Variants in ADGRL3 observed in about 807,000 individuals in gnomAD.
ADGRL3 encodes calcium-independent alpha-latrotoxin receptor 3.
ADGRL3 carries 62 observed loss-of-function variants against 153.5 expected under a neutral mutation model. The ratio of observed to expected loss-of-function variants is 0.40; its 90% CI spans 0.33 to 0.50. The LOEUF (loss-of-function observed/expected upper bound fraction) is 0.50, where lower values mean the gene tolerates loss of function less well. Among genes scored for constraint, ADGRL3 ranks in the 20% least tolerant of loss-of-function variants. ADGRL3 has a pLI of 0.47. For synonymous variants in ADGRL3, 710 were observed against 672.5 expected (o/e 1.06, Z -0.86); for missense variants, 1,641 against 1,859.4 (o/e 0.88, Z 2.16).
At chr4:61,845,640 A>G (rs1393884134) in intron 9 of ADGRL3, among the ~76,000 whole-genome samples, 1 of 150,826 alleles carries the variant, frequency 6.6e-6, no homozygotes, top group Admixed American at 6.6e-5. Context: ...TGCTGAGATT[A>G]TAGGTGTAAG....
intron 1 of ADGRL3, among the ~76,000 whole-genome samples, chr4:61,263,875 G>C (rs1267554477): frequency 2.0e-5 from 3 of 151,396 alleles, no homozygotes; most frequent in African/African-American, 7.3e-5. Flanking sequence ...AATAGGCTAT[G>C]TTTATTTATC....
intron 21 of ADGRL3, among the ~76,000 whole-genome samples, chr4:62,000,027 T>G (rs2151085087): frequency 6.6e-6 from 1 of 152,156 alleles, no homozygotes; most frequent in Middle Eastern, 3.6e-3. Context: ...TTTGCATAAA[T>G]TAAATAGGCA....
chr4:62,037,271 C>A (rs530512027), intron 23 of ADGRL3, among the ~76,000 whole-genome samples: 2 of 152,060 alleles, frequency 1.3e-5, no homozygotes, highest in Admixed American at 6.6e-5. Context: ...CTCTCTCTCT[C>A]TTTCTCTCTC....
At chr4:61,620,578 A>C (rs2092428293) in intron 5 of ADGRL3, among the ~76,000 whole-genome samples, 1 of 151,718 alleles carries the variant, frequency 6.6e-6, no homozygotes, top group African/African-American at 2.4e-5. Flanking sequence ...GAAGTAGACA[A>C]ACAATTTAGC....
In ADGRL3 at chr4:62,071,043, G is replaced by GA; in HGVS notation, c.*136dup. The GA allele has an allele frequency of 1.3e-6, 1 of 785,542 alleles. No individual in the cohort carries two copies. 48.7% of individuals were successfully genotyped at this position (785,542 alleles called of 1,614,324 possible). ...CTCTAAAGACAAACACAAACTCTCA[G>GA]ACTTTTTTTTTTTTAATGGGATTTT... On this transcript the variant is annotated 3_prime_UTR_variant, in exon 27 of 27. Transcript: ENST00000683033.
intron 23 of ADGRL3, among the ~76,000 whole-genome samples, chr4:62,033,104 G>C (rs1208673169): frequency 6.6e-6 from 1 of 151,720 alleles, no homozygotes; most frequent in Non-Finnish European, 1.5e-5. Flanking sequence ...CAATGGATGG[G>C]GTTGCCCCAT....
rs536970783 is a variant in ADGRL3, at chr4:61,565,574, G to T, written c.260-21653G>T. On this transcript the variant is annotated intron_variant, in intron 4 of 26. Coordinates refer to ENST00000683033, the MANE Select transcript of ADGRL3 (RefSeq NM_001387552.1). Reference sequence around the variant, plus strand: ...TTTTTTGAGATGAAGTCTCACTCTTGTCGCCCAGACTGAAGTGCAGTGGCA... The same window carrying T: ...TTTTTTGAGATGAAGTCTCACTCTTTTCGCCCAGACTGAAGTGCAGTGGCA... Among the ~76,000 whole-genome samples, 6 of 150,216 alleles carry T rather than the reference G, an allele frequency of 4.0e-5. No homozygotes were observed. In the South Asian group the frequency reaches 1.3e-3, roughly 32 times the overall value.
At chr4:61,443,928 A>G (rs915589400) in intron 2 of ADGRL3, among the ~76,000 whole-genome samples, 3 of 152,196 alleles carry the variant, frequency 2.0e-5, no homozygotes, top group Admixed American at 6.5e-5. Flanking sequence ...TTTTAAATAC[A>G]TTGCAAATAT....
intron 6 of ADGRL3, among the ~76,000 whole-genome samples, chr4:61,708,780 G>T (rs1248082308): frequency 1.3e-5 from 2 of 151,848 alleles, no homozygotes; most frequent in Admixed American, 6.6e-5. Context: ...TTCCATTCTT[G>T]CCAGTTCTTA....
rs148289709 is a variant in ADGRL3 at position 61,678,859 on chromosome 4, T to C, written c.583+1924T>C. Among the ~76,000 whole-genome samples, 712 of 152,170 alleles carry C rather than the reference T, an allele frequency of 4.7e-3. 6 individuals are homozygous for C. The highest frequency in any genetic ancestry group is 7.0e-3 in the Admixed American group (107 of 15,236). ...TAAAAGTATAATGCAGAATTGGAATTCATTTAATAAATTTAACACGATTTG... is the reference window on the plus strand; with the variant it reads ...TAAAAGTATAATGCAGAATTGGAATCCATTTAATAAATTTAACACGATTTG... On this transcript the variant is annotated intron_variant, in intron 6 of 26. Transcript: ENST00000683033.
intron 4 of ADGRL3, among the ~76,000 whole-genome samples, chr4:61,547,352 C>G (rs1197056161): frequency 6.6e-6 from 1 of 151,542 alleles, no homozygotes; most frequent in Non-Finnish European, 1.5e-5. Context: ...ATTTGGTACA[C>G]AGATTATTTT....
At chr4:61,331,009 C>T (rs2095561667) in intron 1 of ADGRL3, among the ~76,000 whole-genome samples, 1 of 152,162 alleles carries the variant, frequency 6.6e-6, no homozygotes, top group East Asian at 1.9e-4. Flanking sequence ...CCCTGGGGAA[C>T]CCTGACTAAT....
chr4:61,725,398 C>T (rs1202118392), intron 6 of ADGRL3, among the ~76,000 whole-genome samples: 2 of 151,980 alleles, frequency 1.3e-5, no homozygotes, highest in Non-Finnish European at 2.9e-5. Context: ...AAATCACATC[C>T]TGGCTTACAC....
intron 9 of ADGRL3, among the ~76,000 whole-genome samples, chr4:61,876,283 A>G (rs11726186): frequency 0.78 from 117,328 of 150,256 alleles, 46,047 homozygotes; most frequent in East Asian, 0.83. Flanking sequence ...ATTTTATCCA[A>G]TTTTGTTTTT....
At chr4:61,461,622 A>T (rs2097820462) in intron 2 of ADGRL3, among the ~76,000 whole-genome samples, 2 of 152,212 alleles carry the variant, frequency 1.3e-5, no homozygotes. Flanking sequence ...TACTAACAAA[A>T]TGTATAAATT....
chr4:61,367,602 G>A (rs1259127624), intron 1 of ADGRL3, among the ~76,000 whole-genome samples: 4 of 149,180 alleles, frequency 2.7e-5, no homozygotes, highest in Non-Finnish European at 4.4e-5. Flanking sequence ...ATTCCATGGT[G>A]TATATGTGCC....
In ADGRL3 at chr4:61,996,306, T is replaced by C; in HGVS notation, c.3252T>C (p.Leu1084=). The C allele has an allele frequency of 6.2e-7, 1 of 1,613,116 alleles. No homozygotes were observed. Among genetic ancestry groups the C allele is most frequent in the Non-Finnish European group, 8.5e-7 (1 of 1,179,194 alleles). The change falls in exon 20 of 27, where the codon CTT becomes CTC. Residue 1084 remains leucine, a synonymous_variant. Coordinates refer to ENST00000683033, the MANE Select transcript of ADGRL3 (RefSeq NM_001387552.1). ...YGTDKVCWLR[L]DTYFIWSFIG... is the part of the protein sequence containing the mutation. ...TTCATTGCAGATGTTGGCTCCGACTTGACACCTACTTCATTTGGAGTTTTA... is the reference window on the plus strand; with the variant it reads ...TTCATTGCAGATGTTGGCTCCGACTCGACACCTACTTCATTTGGAGTTTTA...
At chr4:61,586,730 A>G (rs1175235796) in intron 4 of ADGRL3, among the ~76,000 whole-genome samples, 2 of 152,104 alleles carry the variant, frequency 1.3e-5, no homozygotes, top group African/African-American at 4.8e-5. Flanking sequence ...CATTAGTTCT[A>G]CAGTGAACTC....
intron 1 of ADGRL3, among the ~76,000 whole-genome samples, chr4:61,230,018 A>G (rs1319814612): frequency 4.6e-5 from 7 of 152,158 alleles, no homozygotes; most frequent in African/African-American, 1.4e-4. Context: ...GTTTGTAACC[A>G]TAAGTACTCA....
Sources: gnomAD v4.1 joint callset for allele counts (sites outside exome capture counted in the v4.1 genomes callset) on GRCh38, gnomAD v4.1.1 for gene constraint, MANE v1.5 for transcripts, NCBI Gene and HGNC (gene_info 2026-07-23, HGNC 2026-07-21) for gene names.